Variants in TDRD3 observed in about 807,000 individuals in gnomAD.
TDRD3 encodes the protein tudor domain-containing protein 3.
TDRD3 carries 45 observed loss-of-function variants against 86.7 expected under a neutral mutation model. The ratio of observed to expected loss-of-function variants is 0.52; its 90% CI spans 0.41 to 0.67. TDRD3 has a LOEUF of 0.67. Ranked by LOEUF, TDRD3 falls within the 30% of genes least tolerant of loss-of-function variation. The pLI is 0.00. For missense variants in TDRD3, 814 were observed against 889.0 expected, an observed-to-expected ratio of 0.92 and a Z score of 1.07; for synonymous variants, 298 against 301.7, an observed-to-expected ratio of 0.99 and a Z score of 0.13.
At chr13:60,545,310 C>A (rs1031031300) in intron 12 of TDRD3, among the ~76,000 whole-genome samples, 28 of 152,066 alleles carry the variant, frequency 1.8e-4, no homozygotes, top group African/African-American at 6.0e-4. Context: ...ATTCGGGAAG[C>A]CCAATATAGA....
chr13:60,458,894 A>G (rs75885606), intron 3 of TDRD3, among the ~76,000 whole-genome samples: 4 of 152,368 alleles, frequency 2.6e-5, no homozygotes, highest in African/African-American at 9.6e-5. Context: ...AATAACCATA[A>G]CATGCCTGTG....
intron 5 of TDRD3, among the ~76,000 whole-genome samples, chr13:60,474,808 G>T (rs1029112228): frequency 2.6e-5 from 4 of 151,786 alleles, no homozygotes; most frequent in Non-Finnish European, 4.4e-5. Context: ...CTTTGGTAAA[G>T]ATCAAGTTCC....
intron 12 of TDRD3, among the ~76,000 whole-genome samples, chr13:60,556,929 G>A (rs1280540298): frequency 6.6e-6 from 1 of 152,208 alleles, no homozygotes; most frequent in Non-Finnish European, 1.5e-5. Context: ...CAGAGGCCGG[G>A]TGCAGTGGCT....
intron 10 of TDRD3, among the ~76,000 whole-genome samples, chr13:60,511,663 T>G (rs1421820592): frequency 6.6e-6 from 1 of 152,200 alleles, no homozygotes; most frequent in Non-Finnish European, 1.5e-5. Flanking sequence ...GTTAAGATTT[T>G]GGTTGGAGCG....
chr13:60,457,825 A>G (rs1293684550), intron 3 of TDRD3, among the ~76,000 whole-genome samples: 1 of 152,086 alleles, frequency 6.6e-6, no homozygotes, highest in Non-Finnish European at 1.5e-5. Flanking sequence ...TAGATGCATA[A>G]CTTTAATTTC....
intron 4 of TDRD3, 47 bp downstream of exon 4, chr13:60,460,587 G>A (rs1274922409): frequency 1.6e-5 from 24 of 1,473,094 alleles, no homozygotes; most frequent in Non-Finnish European, 2.1e-5. Context: ...TGTTGAAGGT[G>A]CTATTCAATT....
chr13:60,468,003 C>A (rs1955986423), intron 5 of TDRD3, among the ~76,000 whole-genome samples: 1 of 151,852 alleles, frequency 6.6e-6, no homozygotes, highest in East Asian at 1.9e-4. Context: ...GTATCTCTTG[C>A]CTGGACTGCT....
intron 1 of TDRD3, among the ~76,000 whole-genome samples, chr13:60,413,422 G>A (rs1205905726): frequency 5.3e-5 from 8 of 152,140 alleles, no homozygotes; most frequent in African/African-American, 1.9e-4. Context: ...TTCTGCCACA[G>A]ATTAGCTATA....
At chr13:60,569,585 A>T (rs1958536964) in intron 13 of TDRD3, among the ~76,000 whole-genome samples, 1 of 152,208 alleles carries the variant, frequency 6.6e-6, no homozygotes, top group Admixed American at 6.5e-5. Flanking sequence ...TCTAAAATTT[A>T]TATGGAACCA....
At chr13:60,408,794 AG>A (rs1173690296) in intron 1 of TDRD3, among the ~76,000 whole-genome samples, 1 of 152,196 alleles carries the variant, frequency 6.6e-6, no homozygotes, top group Non-Finnish European at 1.5e-5. Flanking sequence ...GTGATAGAAA[AG>A]AAAAACCCAT....
intron 8 of TDRD3, among the ~76,000 whole-genome samples, chr13:60,506,338 G>A (rs1956936408): frequency 6.6e-6 from 1 of 152,138 alleles, no homozygotes; most frequent in Non-Finnish European, 1.5e-5. Context: ...ACAAGAAAAT[G>A]CTGAGAGATT....
chr13:60,529,314 T>G (rs1957529132), intron 11 of TDRD3, 97 bp downstream of exon 11: 2 of 1,324,900 alleles, frequency 1.5e-6, no homozygotes, highest in African/African-American at 2.9e-5. Context: ...ATGAGTCTTT[T>G]TCTACTATTG....
intron 3 of TDRD3, among the ~76,000 whole-genome samples, chr13:60,458,732 C>T (rs992265540): frequency 3.9e-4 from 59 of 151,972 alleles, no homozygotes; most frequent in Non-Finnish European, 6.0e-4. Flanking sequence ...ATGGCTAGTA[C>T]GATTGAACAA....
At chr13:60,567,146 T>C (rs1958478507) in intron 12 of TDRD3, among the ~76,000 whole-genome samples, 1 of 152,204 alleles carries the variant, frequency 6.6e-6, no homozygotes, top group Non-Finnish European at 1.5e-5. Context: ...GAAGCCCAAA[T>C]ATTCAAGAAA....
At chr13:60,412,563 C>A (rs1486908452) in intron 1 of TDRD3, among the ~76,000 whole-genome samples, 1 of 152,088 alleles carries the variant, frequency 6.6e-6, no homozygotes, top group African/African-American at 2.4e-5. Flanking sequence ...TAGTATGACA[C>A]ATCAAGAAAT....
intron 10 of TDRD3, among the ~76,000 whole-genome samples, chr13:60,514,297 C>A (rs1387809745): frequency 6.6e-6 from 1 of 152,270 alleles, no homozygotes; most frequent in East Asian, 1.9e-4. Flanking sequence ...CAAGATGTGA[C>A]CTGGTTGCTG....
chr13:60,434,595 GC>G (rs1198053320), intron 1 of TDRD3, among the ~76,000 whole-genome samples: 3 of 151,898 alleles, frequency 2.0e-5, no homozygotes, highest in African/African-American at 7.3e-5. Context: ...GCCTTTTAAT[GC>G]CCTGCTTGTC....
intron 8 of TDRD3, among the ~76,000 whole-genome samples, chr13:60,500,525 C>T (rs762021568): frequency 3.9e-5 from 6 of 152,322 alleles, no homozygotes; most frequent in South Asian, 2.1e-4. Context: ...TGGACAGCTA[C>T]AGCCTACAGC....
intron 8 of TDRD3, among the ~76,000 whole-genome samples, chr13:60,494,997 C>T (rs920356605): frequency 3.3e-5 from 5 of 152,152 alleles, no homozygotes; most frequent in Non-Finnish European, 2.9e-5. Context: ...GCAAAATATT[C>T]TTGAATTTTT....
Sources: allele counts gnomAD v4.1 joint callset (sites outside exome capture counted in the v4.1 genomes callset), GRCh38; gene constraint gnomAD v4.1.1; transcripts MANE v1.5; gene names NCBI Gene and HGNC (gene_info 2026-07-23, HGNC 2026-07-21).